The following NR3C2 variants were observed in gnomAD, a reference collection of about 807,000 sequenced individuals.
NR3C2 encodes nuclear receptor subfamily 3 group C member 2, also known as mineralocorticoid receptor.
Under a neutral mutation model 86.4 loss-of-function variants are expected in NR3C2, and 15 were observed. That is an observed-to-expected ratio of 0.17 (90% CI 0.12 to 0.27). NR3C2 has a LOEUF of 0.27. Ranked by LOEUF, NR3C2 falls within the 10% of genes least tolerant of loss-of-function variation. NR3C2 has a pLI of 1.00. For synonymous variants in NR3C2, 458 were observed against 450.5 expected, an observed-to-expected ratio of 1.02 and a Z score of -0.21; for missense variants, 960 against 1,195.6, an observed-to-expected ratio of 0.80 and a Z score of 2.91.
Position 148,212,805 on chromosome 4 carries a change from T to TA in NR3C2, c.1898-17944dup, listed in dbSNP as rs538613129. On this transcript the variant is annotated intron_variant, in intron 3 of 8. Coordinates refer to ENST00000358102, the MANE Select transcript of NR3C2 (RefSeq NM_000901.5). ...ATTTGTGATAAAACAAAAGTAGTTT[T>TA]ATTGTGTGGTTTTAGCCTCTGCCTC... 1.6e-4 allele frequency among the ~76,000 whole-genome samples: 24 copies of TA among 152,354 alleles called. No individual in the cohort carries two copies. In the South Asian group the frequency reaches 3.1e-3, roughly 20 times the overall value.
At chr4:148,192,254 C>G (rs1240360594) in intron 4 of NR3C2, among the ~76,000 whole-genome samples, 1 of 152,158 alleles carries the variant, frequency 6.6e-6, no homozygotes, top group Non-Finnish European at 1.5e-5. Context: ...ATTGTTGTCT[C>G]TCTTCTAGCC....
At chr4:148,261,231 T>C (rs1408249640) in intron 2 of NR3C2, among the ~76,000 whole-genome samples, 1 of 151,782 alleles carries the variant, frequency 6.6e-6, no homozygotes, top group African/African-American at 2.4e-5. Context: ...TATGGTGCAC[T>C]ATGGTAAGCG....
At chr4:148,303,973 C>T (rs1298869721) in intron 2 of NR3C2, among the ~76,000 whole-genome samples, 20 of 152,286 alleles carry the variant, frequency 1.3e-4, no homozygotes, top group South Asian at 4.1e-4. Flanking sequence ...CTCAGGGATG[C>T]GAGGACAGAA....
chr4:148,394,760 G>T (rs531669702), intron 2 of NR3C2, among the ~76,000 whole-genome samples: 1 of 152,256 alleles, frequency 6.6e-6, no homozygotes, highest in Admixed American at 6.5e-5. Flanking sequence ...AAAAATTATA[G>T]AAAGATAATC....
chr4:148,170,390 T>A (rs779617780), intron 4 of NR3C2, among the ~76,000 whole-genome samples: 1 of 152,152 alleles, frequency 6.6e-6, no homozygotes, highest in Non-Finnish European at 1.5e-5. Context: ...CTAAAGTTAG[T>A]TTCCTTAATA....
chr4:148,398,432 T>C (rs1337565426), intron 2 of NR3C2, among the ~76,000 whole-genome samples: 3 of 152,254 alleles, frequency 2.0e-5, no homozygotes, highest in Admixed American at 6.5e-5. Flanking sequence ...CAAGTAGATA[T>C]ATAAAATATC....
intron 2 of NR3C2, among the ~76,000 whole-genome samples, chr4:148,376,159 A>AAAC (rs1746669290): frequency 6.6e-6 from 1 of 151,592 alleles, no homozygotes; most frequent in African/African-American, 2.4e-5. Context: ...AAAAAAAAAA[A>AAAC]AAACCCACGA....
chr4:148,403,798 G>C (rs913438069), intron 2 of NR3C2, among the ~76,000 whole-genome samples: 1 of 152,020 alleles, frequency 6.6e-6, no homozygotes, highest in African/African-American at 2.4e-5. Context: ...ACTAGTTTAT[G>C]TTTTAAATGA....
intron 2 of NR3C2, among the ~76,000 whole-genome samples, chr4:148,316,776 G>T (rs926440737): frequency 2.0e-5 from 3 of 151,976 alleles, no homozygotes; most frequent in Admixed American, 6.6e-5. Context: ...TCCATTAGTT[G>T]TTTTTTCTTT....
chr4:148,419,448 A>C (rs898048769), intron 2 of NR3C2, among the ~76,000 whole-genome samples: 2 of 152,214 alleles, frequency 1.3e-5, no homozygotes, highest in Admixed American at 1.3e-4. Flanking sequence ...TCCCATATTC[A>C]GAAAAGATTA....
intron 4 of NR3C2, among the ~76,000 whole-genome samples, chr4:148,166,007 T>C (rs1465298009): frequency 6.6e-6 from 1 of 152,244 alleles, no homozygotes; most frequent in Non-Finnish European, 1.5e-5. Flanking sequence ...CAAACCTTAA[T>C]AGTTATTGCT....
intron 4 of NR3C2, among the ~76,000 whole-genome samples, chr4:148,182,855 A>G (rs140874339): frequency 0.022 from 3,317 of 152,292 alleles, 130 homozygotes; most frequent in African/African-American, 0.074. Context: ...GTTCTAGGGT[A>G]CATGTGCACA....
intron 2 of NR3C2, among the ~76,000 whole-genome samples, chr4:148,401,458 TCTC>T (rs1023905075): frequency 2.6e-5 from 3 of 117,568 alleles, no homozygotes; most frequent in African/African-American, 8.6e-5. Context: ...GATAAAGTTG[TCTC>T]TTTTTTTTTT....
chr4:148,097,112 T>C (rs1387560563), intron 8 of NR3C2, among the ~76,000 whole-genome samples: 1 of 152,220 alleles, frequency 6.6e-6, no homozygotes, highest in Admixed American at 6.5e-5. Context: ...CAGATTCTTC[T>C]AGCCTTTAGG....
In NR3C2 at chr4:148,377,761, G is replaced by A. The variant is rs76518495; in HGVS notation, c.1757+57343C>T. ...GGCAATGTCAGATACTTCTGCAGTA[G>A]AGTAGTTTCCTGAGACTTTATTTCT... On this transcript the variant is annotated intron_variant, in intron 2 of 8. Transcript: ENST00000358102. Among the ~76,000 whole-genome samples the A allele has an allele frequency of 3.7e-3, 562 of 152,236 alleles. 2 individuals carry two copies. The highest frequency in any genetic ancestry group is 0.013 in the African/African-American group (530 of 41,548).
intron 2 of NR3C2, among the ~76,000 whole-genome samples, chr4:148,329,227 A>G (rs1744108108): frequency 6.6e-6 from 1 of 152,184 alleles, no homozygotes; most frequent in African/African-American, 2.4e-5. Flanking sequence ...TGTAAGAACC[A>G]TGAGTGTTGT....
chr4:148,427,116 T>A (rs923167255), intron 2 of NR3C2, among the ~76,000 whole-genome samples: 2 of 151,882 alleles, frequency 1.3e-5, no homozygotes, highest in African/African-American at 4.8e-5. Context: ...CACCATGCCC[T>A]GCTAATTTTT....
At chr4:148,195,657 TA>T (rs1268954640) in intron 3 of NR3C2, among the ~76,000 whole-genome samples, 1 of 152,192 alleles carries the variant, frequency 6.6e-6, no homozygotes, top group Non-Finnish European at 1.5e-5. Flanking sequence ...AATAAAGGTC[TA>T]TAGATCTATC....
chr4:148,237,648 A>C (rs1394127119), intron 3 of NR3C2, among the ~76,000 whole-genome samples: 1 of 14,468 alleles, frequency 6.9e-5, no homozygotes, highest in Non-Finnish European at 3.7e-4. Context: ...TAGAAGTTGG[A>C]GCACTGCCCA....
Sources: allele counts gnomAD v4.1 joint callset (sites outside exome capture counted in the v4.1 genomes callset), GRCh38; gene constraint gnomAD v4.1.1; transcripts MANE v1.5; gene names NCBI Gene and HGNC (gene_info 2026-07-23, HGNC 2026-07-21).